DGKB: variants seen among roughly 807,000 people sequenced by gnomAD.
The protein encoded by DGKB is 90 kDa diacylglycerol kinase.
In DGKB, 67 loss-of-function variants were observed where a neutral mutation model predicts 114.3. That is an observed-to-expected ratio of 0.59 (90% confidence interval 0.48 to 0.72). DGKB has a LOEUF of 0.72. DGKB is among the 30% of genes least tolerant of loss of function. DGKB has a pLI of 0.00. For missense variants in DGKB, 907 were observed against 975.2 expected, an observed-to-expected ratio of 0.93 and a Z score of 0.93; for synonymous variants, 398 against 323.1, an observed-to-expected ratio of 1.23 and a Z score of -2.49.
At chr7:14,627,816 G>A (rs1013892846) in intron 14 of DGKB, among the ~76,000 whole-genome samples, 10 of 151,672 alleles carry the variant, frequency 6.6e-5, no homozygotes, top group South Asian at 4.2e-4. Flanking sequence ...GGTCACGTGC[G>A]CCTATGATCC....
intron 14 of DGKB, among the ~76,000 whole-genome samples, chr7:14,628,970 G>A (rs1809164849): frequency 6.6e-6 from 1 of 151,960 alleles, no homozygotes; most frequent in African/African-American, 2.4e-5. Flanking sequence ...CAAAAATTTG[G>A]ATCTATTTAC....
intron 20 of DGKB, among the ~76,000 whole-genome samples, chr7:14,556,196 G>A (rs1371594743): frequency 6.6e-6 from 1 of 152,004 alleles, no homozygotes; most frequent in Non-Finnish European, 1.5e-5. Context: ...CCTCATATAT[G>A]CTGAGTGGTT....
At chr7:14,680,408 T>C (rs555447731) in intron 12 of DGKB, among the ~76,000 whole-genome samples, 1 of 152,036 alleles carries the variant, frequency 6.6e-6, no homozygotes, top group African/African-American at 2.4e-5. Context: ...AAAAGTACAG[T>C]CTATTGAAAA....
chr7:14,389,623 A>T (rs1015309646), intron 21 of DGKB, among the ~76,000 whole-genome samples: 5 of 152,126 alleles, frequency 3.3e-5, no homozygotes, highest in African/African-American at 1.2e-4. Flanking sequence ...AAAATAAATC[A>T]CCTCTAATTC....
chr7:14,666,770 A>AT lies in DGKB; in HGVS notation c.1134+6158dup, dbSNP rs954757798. 1.2e-4 allele frequency among the ~76,000 whole-genome samples: 18 copies of AT among 151,654 alleles called. 1 individual carries two copies. Among genetic ancestry groups the AT allele is most frequent in the South Asian group, 6.2e-4 (3 of 4,816 alleles). ...CTATAGCTATAATTGTTACCAGAACATTTTTTTTCTTAAAAAAAAGCATTC... is the reference window on the plus strand; with the variant it reads ...CTATAGCTATAATTGTTACCAGAACATTTTTTTTTCTTAAAAAAAAGCATTC... On this transcript the variant is annotated intron_variant, in intron 13 of 25. Coordinates refer to ENST00000402815, the MANE Select transcript of DGKB (RefSeq NM_001350709.2).
At chr7:14,193,101 C>G (rs1296988584) in intron 23 of DGKB, among the ~76,000 whole-genome samples, 1 of 151,964 alleles carries the variant, frequency 6.6e-6, no homozygotes, top group Admixed American at 6.6e-5. Flanking sequence ...GCTACGCGAC[C>G]CAGTTCCTAA....
intron 21 of DGKB, among the ~76,000 whole-genome samples, chr7:14,473,051 G>T (rs181073748): frequency 1.3e-5 from 2 of 152,274 alleles, no homozygotes; most frequent in East Asian, 3.9e-4. Flanking sequence ...GGCTGCAGAA[G>T]TTTGCATAAG....
At chr7:14,940,316 T>C (rs1785502565) in intron 1 of DGKB, among the ~76,000 whole-genome samples, 1 of 151,410 alleles carries the variant, frequency 6.6e-6, no homozygotes, top group Non-Finnish European at 1.5e-5. Flanking sequence ...CTTTTTAAGA[T>C]GACAGATACC....
At chr7:14,607,530 G>A (rs1023133458) in intron 16 of DGKB, 22 bp from the exon 17 acceptor site, 1 of 1,190,058 alleles carries the variant, frequency 8.4e-7, no homozygotes, top group African/African-American at 1.5e-5. Context: ...AAAATGTGGG[G>A]AAAAAATTTA....
chr7:14,460,396 G>A (rs1832900769), intron 21 of DGKB, among the ~76,000 whole-genome samples: 1 of 151,712 alleles, frequency 6.6e-6, no homozygotes, highest in Non-Finnish European at 1.5e-5. Flanking sequence ...ATAAAGGGAT[G>A]GAGGAAGATT....
At chr7:14,752,921 C>A (rs1050408976) in intron 4 of DGKB, among the ~76,000 whole-genome samples, 1 of 152,048 alleles carries the variant, frequency 6.6e-6, no homozygotes, top group African/African-American at 2.4e-5. Flanking sequence ...CCTATTTAGT[C>A]CATATTTGGG....
chr7:14,943,639 C>T (rs1785696343), intron 1 of DGKB, among the ~76,000 whole-genome samples: 1 of 151,688 alleles, frequency 6.6e-6, no homozygotes, highest in Non-Finnish European at 1.5e-5. Flanking sequence ...TGAAGTGAAA[C>T]ACACACACAC....
intron 1 of DGKB, among the ~76,000 whole-genome samples, chr7:14,925,515 T>A (rs1784701771): frequency 6.6e-6 from 1 of 152,184 alleles, no homozygotes; most frequent in Non-Finnish European, 1.5e-5. Context: ...TTTATTATGT[T>A]GAGTTGTCTA....
intron 25 of DGKB, among the ~76,000 whole-genome samples, chr7:14,161,366 A>G (rs1783858993): frequency 6.6e-6 from 1 of 152,214 alleles, no homozygotes; most frequent in Non-Finnish European, 1.5e-5. Context: ...ATGCACCTGT[A>G]TGTTTACTGC....
At chr7:14,823,775 A>C (rs986134506) in intron 2 of DGKB, among the ~76,000 whole-genome samples, 1 of 152,200 alleles carries the variant, frequency 6.6e-6, no homozygotes. Context: ...GTTACCTAAA[A>C]GGAATTCATA....
chr7:14,698,283 T>C (rs937129984), intron 7 of DGKB, 114 bp from the exon 8 acceptor site: 1 of 620,290 alleles, frequency 1.6e-6, no homozygotes, highest in Admixed American at 3.6e-5. Flanking sequence ...AAATGAGTTC[T>C]ATGGGAATAT....
At chr7:14,414,756 C>A (rs999397803) in intron 21 of DGKB, among the ~76,000 whole-genome samples, 1 of 152,104 alleles carries the variant, frequency 6.6e-6, no homozygotes, top group African/African-American at 2.4e-5. Flanking sequence ...CAGTCCTTGA[C>A]TTCATTCTAA....
chr7:14,703,174 G>A (rs1395686967), intron 6 of DGKB, among the ~76,000 whole-genome samples: 3 of 152,118 alleles, frequency 2.0e-5, no homozygotes, highest in Admixed American at 6.5e-5. Flanking sequence ...AAGAATTGAC[G>A]GACTACTCAG....
In DGKB at chr7:14,552,146, A is replaced by T. The variant is rs182385088; in HGVS notation, c.1770+22066T>A. On this transcript the variant is annotated intron_variant, in intron 20 of 25. Coordinates refer to ENST00000402815, the MANE Select transcript of DGKB (RefSeq NM_001350709.2). The stretch of plus-strand genomic sequence containing the variant: ...CCCTGAGCCCTTACTTATTTGTATC[A>T]CCTCTAGCCACATGCAAGGGAATAT... Among the ~76,000 whole-genome samples, 45 of 152,198 alleles carry T rather than the reference A, an allele frequency of 3.0e-4. No homozygotes were observed. In the East Asian group the frequency reaches 8.3e-3, roughly 28 times the overall value.
Sources: gnomAD v4.1 joint callset for allele counts (sites outside exome capture counted in the v4.1 genomes callset) on GRCh38, gnomAD v4.1.1 for gene constraint, MANE v1.5 for transcripts, NCBI Gene and HGNC (gene_info 2026-07-23, HGNC 2026-07-21) for gene names.